The following CARM1 variants were observed in gnomAD, a reference collection of about 807,000 sequenced individuals.
CARM1 encodes the protein histone-arginine methyltransferase CARM1.
CARM1 carries 14 observed loss-of-function variants against 72.7 expected under a neutral mutation model. That is an observed-to-expected ratio of 0.19 (90% CI 0.13 to 0.30). The LOEUF (loss-of-function observed/expected upper bound fraction) is 0.30. CARM1 is among the 10% of genes least tolerant of loss of function. CARM1 has a pLI of 1.00. For missense variants in CARM1, 432 were observed against 833.7 expected (o/e 0.52, Z 5.93); for synonymous variants, 333 against 345.5 (o/e 0.96, Z 0.40).
intron 2 of CARM1, 30 bp downstream of exon 2, chr19:10,905,106 A>T: frequency 6.2e-7 from 1 of 1,608,610 alleles, no homozygotes. Flanking sequence ...TTCCGGTGAC[A>T]CCAGCCCAAA....
In CARM1 at chr19:10,920,980, C is replaced by G. The variant is rs773487272; in HGVS notation, c.1537+34C>G. ...GGCCCACCCCAATGCCCAGCCAACC[C>G]GGGAGGCCGCCCTCGCCGCAGGCCT... On this transcript the variant is annotated intron_variant, in intron 13 of 15. Transcript: ENST00000327064. This position sits in a 1 kb window ranked among gnomAD's most constrained non-coding sequence, Gnocchi z 5.3. 1.2e-6 allele frequency: 2 copies of G among 1,612,674 alleles called. No individual in the cohort carries two copies. Among genetic ancestry groups the G allele is most frequent in the Non-Finnish European group, 1.7e-6 (2 of 1,178,866 alleles).
chr19:10,897,709 C>G (rs1446679976), intron 1 of CARM1, among the ~76,000 whole-genome samples: 1 of 152,192 alleles, frequency 6.6e-6, no homozygotes, highest in East Asian at 1.9e-4. Flanking sequence ...AGCTCTGGGC[C>G]GGGCACGGTG....
chr19:10,890,272 T>TTTTG (rs2073972922), intron 1 of CARM1, among the ~76,000 whole-genome samples: 2 of 149,602 alleles, frequency 1.3e-5, no homozygotes, highest in African/African-American at 4.9e-5. Context: ...TTTGTTTGTT[T>TTTTG]TTTTTTTTTT....
Position 10,908,106 on chromosome 19 carries a change from C to G in CARM1, c.414C>G (p.Ser138Arg). 6.2e-7 allele frequency: 1 copy of G among 1,613,996 alleles called. No homozygotes were observed. Among genetic ancestry groups the G allele is most frequent in the Non-Finnish European group, 8.5e-7 (1 of 1,179,906 alleles). Residue 138 changes from serine to arginine, a missense_variant, in exon 3 of 16, where the codon AGC (serine) becomes AGG (arginine). By Grantham distance (110) the Ser-to-Arg change is moderately radical. Transcript: ENST00000327064. ...ACACCCTGGAGCGGTCTGTGTTCAG[C>G]GAGCGGACGGAGGAGTCTTCTGCCG... is the stretch of plus-strand genomic sequence containing the variant. ...RGHTLERSVF[S>R]ERTEESSAVQ...
At chr19:10,900,703 G>T (rs1252041207) in intron 1 of CARM1, among the ~76,000 whole-genome samples, 2 of 151,718 alleles carry the variant, frequency 1.3e-5, no homozygotes, top group Admixed American at 6.6e-5. Context: ...TTATTTTTTT[G>T]AGATGAGTCT....
In CARM1 at chr19:10,876,432, G is replaced by C. The variant is rs540994639; in HGVS notation, c.220+4510G>C. ...CCCTATGCTCCAGGGCTGCCCCGCT[G>C]TCTTGGCTCACCGGCCATGGGAGGG... On this transcript the variant is annotated intron_variant, in intron 1 of 15. Coordinates refer to ENST00000327064, the MANE Select transcript of CARM1 (RefSeq NM_199141.2). Among the ~76,000 whole-genome samples the C allele has an allele frequency of 8.5e-5, 13 of 152,338 alleles. No individual in the cohort carries two copies. The South Asian group carries it at 2.3e-3, about 27-fold the overall frequency.
Position 10,920,114 on chromosome 19 carries a change from T to A in CARM1, c.1196+148T>A. ...AGCCTGTCTCGGAGCAAGAGACTGT[T>A]GTGGGTGGGGTGTGTGTGTGTGTGT... is the stretch of plus-strand genomic sequence containing the variant. On this transcript the variant is annotated intron_variant, in intron 10 of 15. Coordinates refer to ENST00000327064, the MANE Select transcript of CARM1 (RefSeq NM_199141.2). The surrounding 1 kb of genome is among the most constrained non-coding windows in gnomAD (Gnocchi z 5.3). 2 of 655,650 alleles carry A rather than the reference T, an allele frequency of 3.1e-6. 1 individual carries two copies. The highest frequency in any genetic ancestry group is 5.6e-5 in the East Asian group (2 of 35,574). 40.6% of individuals were successfully genotyped at this position (655,650 alleles called of 1,614,324 possible). A position where few individuals can be genotyped will look rare whatever the true frequency, so the allele number is the denominator to read the frequency against.
chr19:10,920,081 G>A lies in CARM1; in HGVS notation c.1196+115G>A. On this transcript the variant is annotated intron_variant, in intron 10 of 15. Transcript: ENST00000327064. The surrounding 1 kb of genome is among the most constrained non-coding windows in gnomAD (Gnocchi z 5.3). The stretch of plus-strand genomic sequence containing the variant: ...CCAGGTTCCACCATCCCTTCCAATG[G>A]GAGTGAGAGCCTGTCTCGGAGCAAG... The A allele has an allele frequency of 1.3e-6, 1 of 799,490 alleles. No individual in the cohort carries two copies. The highest frequency in any genetic ancestry group is 2.1e-6 in the Non-Finnish European group (1 of 470,954). The allele number at this position is 799,490 out of a possible 1,614,324, so 49.5% of individuals were successfully genotyped here.
At chr19:10,875,878 C>CTT (rs201617757) in intron 1 of CARM1, among the ~76,000 whole-genome samples, 5 of 140,278 alleles carry the variant, frequency 3.6e-5, no homozygotes, top group Non-Finnish European at 4.7e-5. Flanking sequence ...GGATGTCTGT[C>CTT]TTTTTTTTTT....
rs2073813599 is a variant in CARM1 at position 10,871,592 on chromosome 19, G to GGCGGCGGCGGCGGCGGCGGCGGCT, written c.-88_-87insTGCGGCGGCGGCGGCGGCGGCGGC. ...CGGCTGCGGCGGCGGTAGCGGCAGC[G>GGCGGCGGCGGCGGCGGCGGCGGCT]GCGGCGGCGGCGGCGGCGGCGGCGG... On this transcript the variant is annotated 5_prime_UTR_variant, in exon 1 of 16. Transcript: ENST00000327064. The surrounding 1 kb of genome is among the most constrained non-coding windows in gnomAD (Gnocchi z 5.6). The GGCGGCGGCGGCGGCGGCGGCGGCT allele has an allele frequency of 3.9e-5, 2 of 50,982 alleles. No homozygotes were observed. Among genetic ancestry groups the GGCGGCGGCGGCGGCGGCGGCGGCT allele is most frequent in the Non-Finnish European group, 8.5e-5 (2 of 23,436 alleles). 3.2% of individuals were successfully genotyped at this position (50,982 alleles called of 1,614,324 possible). A position where few individuals can be genotyped will look rare whatever the true frequency, so the allele number is the denominator to read the frequency against.
chr19:10,918,690 G>C (rs2074217165), intron 8 of CARM1, among the ~76,000 whole-genome samples: 1 of 152,016 alleles, frequency 6.6e-6, no homozygotes. Context: ...CCTTGAATCC[G>C]AGCTGCCTTG....
chr19:10,904,907 CTGA>C lies in CARM1; in HGVS notation c.221-43_221-41del, dbSNP rs756911049. 1.3e-5 allele frequency: 20 copies of C among 1,594,762 alleles called. No individual in the cohort carries two copies. The African/African-American group carries it at 2.7e-4, about 21-fold the overall frequency. ...GGGACCCAGGCTCAAAAGAAGGCAGCTGACAGGGCTGCACCGCTCACGCCAGCC... is the reference window on the plus strand; with the variant it reads ...GGGACCCAGGCTCAAAAGAAGGCAGCCAGGGCTGCACCGCTCACGCCAGCC... On this transcript the variant is annotated intron_variant, in intron 1 of 15. Coordinates refer to ENST00000327064, the MANE Select transcript of CARM1 (RefSeq NM_199141.2).
chr19:10,915,397 G>C lies in CARM1; in HGVS notation c.848-1010G>C, dbSNP rs945492455. On this transcript the variant is annotated intron_variant, in intron 6 of 15. Transcript: ENST00000327064. This position sits in a 1 kb window ranked among gnomAD's most constrained non-coding sequence, Gnocchi z 4.6. ...CGTCCCAGCAGCCAGCTTGCAGGGA[G>C]GGGGGAGGCCAGGCCTGTGCAAGGA... 1.3e-5 allele frequency among the ~76,000 whole-genome samples: 2 copies of C among 152,060 alleles called. No individual in the cohort carries two copies. The highest frequency in any genetic ancestry group is 2.9e-5 in the Non-Finnish European group (2 of 67,982).
At chr19:10,898,393 C>A (rs2074039132) in intron 1 of CARM1, among the ~76,000 whole-genome samples, 1 of 152,136 alleles carries the variant, frequency 6.6e-6, no homozygotes, top group South Asian at 2.1e-4. Flanking sequence ...GCTTTTTGGT[C>A]ACCCTTGCCT....
Position 10,908,157 on chromosome 19 carries a change from TC to T in CARM1, c.453+17del. 6.3e-7 allele frequency: 1 copy of T among 1,584,712 alleles called. No individual in the cohort carries two copies. Among genetic ancestry groups the T allele is most frequent in the Non-Finnish European group, 8.7e-7 (1 of 1,153,990 alleles). ...TGCAGTACTTCCAGGTGGGTTGTACTCCCCCTCAGCCAGGCCGCCTCCCCCC... is the reference window on the plus strand; with the variant it reads ...TGCAGTACTTCCAGGTGGGTTGTACTCCCCTCAGCCAGGCCGCCTCCCCCC... On this transcript the variant is annotated intron_variant, in intron 3 of 15. Coordinates refer to ENST00000327064, the MANE Select transcript of CARM1 (RefSeq NM_199141.2).
At position 10,920,396 on chromosome 19, in the gene CARM1, C is replaced by T. The variant is rs762976453; in HGVS notation, c.1197-40C>T. 9.5e-6 allele frequency: 15 copies of T among 1,586,624 alleles called. No homozygotes were observed. The highest frequency in any genetic ancestry group is 1.7e-5 in the Admixed American group (1 of 58,866). On this transcript the variant is annotated intron_variant, in intron 10 of 15. Transcript: ENST00000327064. The surrounding 1 kb of genome is among the most constrained non-coding windows in gnomAD (Gnocchi z 5.3). The stretch of plus-strand genomic sequence containing the variant: ...TACAAGGTGGTGGCTCCAGTGGTGG[C>T]GCCGGCCCAGTCAAGTATGTGCCTG...
chr19:10,909,077 G>A (rs185297129), intron 3 of CARM1, 26 bp from the exon 4 acceptor site: 248 of 1,569,468 alleles, frequency 1.6e-4, no homozygotes, highest in Admixed American at 1.3e-4. Flanking sequence ...CATGTGCCCC[G>A]TGCCATCGGT....
At chr19:10,903,450 G>A (rs181737552) in intron 1 of CARM1, among the ~76,000 whole-genome samples, 127 of 152,108 alleles carry the variant, frequency 8.3e-4, no homozygotes, top group Middle Eastern at 3.4e-3. Flanking sequence ...AAATACTTCC[G>A]CATATGTTTT....
rs2074233262 is a variant in CARM1 at position 10,920,499 on chromosome 19, C to T, written c.1260C>T (p.Cys420=). The change falls in exon 11 of 16, where the codon TGC becomes TGT. Residue 420 remains cysteine, a synonymous_variant. Transcript: ENST00000327064. The surrounding 1 kb of genome is among the most constrained non-coding windows in gnomAD (Gnocchi z 5.3). ...TGACCCACTGGTACCAGGTGCGGTGCCTGTTCCAGTCACCACTGTTCGCCA... is the reference window on the plus strand; with the variant it reads ...TGACCCACTGGTACCAGGTGCGGTGTCTGTTCCAGTCACCACTGTTCGCCA... The part of the protein sequence containing the change: ...EPLTHWYQVR[C]LFQSPLFAKA... 2 of 1,613,428 alleles carry T rather than the reference C, an allele frequency of 1.2e-6. No homozygotes were observed. The highest frequency in any genetic ancestry group is 1.7e-6 in the Non-Finnish European group (2 of 1,179,552).
Sources: allele counts gnomAD v4.1 joint callset (sites outside exome capture counted in the v4.1 genomes callset), GRCh38; gene constraint gnomAD v4.1.1; non-coding constraint Gnocchi (gnomAD v3.1); transcripts MANE v1.5; gene names NCBI Gene and HGNC (gene_info 2026-07-23, HGNC 2026-07-21).